RAD18: variants seen among roughly 807,000 people sequenced by gnomAD.
The protein encoded by RAD18 is E3 ubiquitin-protein ligase RAD18.
RAD18 carries 47 observed loss-of-function variants against 60.4 expected under a neutral mutation model. The observed-to-expected ratio is 0.78, with a 90% CI of 0.62 to 0.99. The LOEUF is 0.99. Ranked by LOEUF, RAD18 falls within the 50% of genes least tolerant of loss-of-function variation. The probability of loss-of-function intolerance (pLI) is 0.00; values close to 1 mark genes in which losing one functional copy is unlikely to be tolerated. For synonymous variants in RAD18, 225 were observed against 195.5 expected, an observed-to-expected ratio of 1.15 and a Z score of -1.26; for missense variants, 640 against 593.3, an observed-to-expected ratio of 1.08 and a Z score of -0.82.
Position 8,881,479 on chromosome 3 carries a change from AT to A in RAD18, c.1386-21del. Reference sequence around the variant, plus strand: ...TCGTTTCTGAAGACAGAAAAAGGAAATGACATCTTGGAAAGTAATGATTATT... The same window carrying A: ...TCGTTTCTGAAGACAGAAAAAGGAAAGACATCTTGGAAAGTAATGATTATT... On this transcript the variant is annotated intron_variant, in intron 12 of 12. Coordinates refer to ENST00000264926, the MANE Select transcript of RAD18 (RefSeq NM_020165.4). 1 of 1,546,634 alleles carries A rather than the reference AT, an allele frequency of 6.5e-7. No individual in the cohort carries two copies. The highest frequency in any genetic ancestry group is 1.1e-5 in the South Asian group (1 of 88,646).
Position 8,941,541 on chromosome 3 carries a change from T to C in RAD18, c.530A>G (p.Glu177Gly), listed in dbSNP as rs754089301. Residue 177 changes from glutamate (E) to glycine (G), a missense_variant, in exon 5 of 13, where the codon GAG becomes GGG. Transcript: ENST00000264926. Reference protein sequence around the residue: ...AKTKETRSVEEIAPDPSEAKR... With the variant: ...AKTKETRSVEGIAPDPSEAKR... ...AGCCTCTGAGGGATCTGGAGCGATC[T>C]CTTCTACAGAACGTGTCTCTTTGGT... The C allele has an allele frequency of 6.2e-7, 1 of 1,614,142 alleles. No homozygotes were observed. Among genetic ancestry groups the C allele is most frequent in the Non-Finnish European group, 8.5e-7 (1 of 1,180,012 alleles).
chr3:8,882,447 A>T (rs1939483795), intron 12 of RAD18, among the ~76,000 whole-genome samples: 1 of 152,178 alleles, frequency 6.6e-6, no homozygotes, highest in African/African-American at 2.4e-5. Flanking sequence ...TCAAGTAGCC[A>T]GATACCATGG....
At chr3:8,935,341 G>A (rs1940630318) in intron 7 of RAD18, among the ~76,000 whole-genome samples, 1 of 152,228 alleles carries the variant, frequency 6.6e-6, no homozygotes, top group Non-Finnish European at 1.5e-5. Flanking sequence ...TGTAAAAACA[G>A]TAATGAAAAG....
chr3:8,911,776 C>T (rs1940108939), intron 9 of RAD18, among the ~76,000 whole-genome samples: 1 of 152,160 alleles, frequency 6.6e-6, no homozygotes, highest in South Asian at 2.1e-4. Context: ...TAAATTTAAA[C>T]TAAAATCCAA....
At chr3:8,910,071 A>C (rs995444576) in intron 9 of RAD18, among the ~76,000 whole-genome samples, 4 of 152,216 alleles carry the variant, frequency 2.6e-5, no homozygotes, top group African/African-American at 9.6e-5. Flanking sequence ...GTTGGTGACA[A>C]GAAATTCCAG....
rs181213138 is a variant in RAD18, at chr3:8,885,272, T to C, written c.1386-3813A>G. Among the ~76,000 whole-genome samples the C allele has an allele frequency of 1.4e-4, 21 of 152,326 alleles. No individual in the cohort carries two copies. In the East Asian group the frequency reaches 3.9e-3, roughly 28 times the overall value. ...TTCCTTTTATTCATTTTTTTAAAGATGGGATTCACTGTTTTCTTGCTGCAA... is the reference window on the plus strand; with the variant it reads ...TTCCTTTTATTCATTTTTTTAAAGACGGGATTCACTGTTTTCTTGCTGCAA... On this transcript the variant is annotated intron_variant, in intron 12 of 12. Transcript: ENST00000264926.
intron 11 of RAD18, among the ~76,000 whole-genome samples, chr3:8,894,588 T>C (rs1292302441): frequency 6.6e-6 from 1 of 151,990 alleles, no homozygotes; most frequent in Non-Finnish European, 1.5e-5. Context: ...TGAGCTGACC[T>C]CCCACAATGA....
intron 12 of RAD18, among the ~76,000 whole-genome samples, chr3:8,889,601 C>T (rs2125046619): frequency 6.6e-6 from 1 of 152,218 alleles, no homozygotes; most frequent in Non-Finnish European, 1.5e-5. Flanking sequence ...AAAGAACATT[C>T]TGGGTAGAGG....
chr3:8,943,363 T>C lies in RAD18; in HGVS notation c.267-1559A>G, dbSNP rs573963356. ...AAAAAAAAGAAAAGGGATAAAAAGA[T>C]AGTGTATTATGAGAAATAAAATCCA... is the stretch of plus-strand genomic sequence containing the variant. On this transcript the variant is annotated intron_variant, in intron 4 of 12. Transcript: ENST00000264926. 2.0e-5 allele frequency among the ~76,000 whole-genome samples: 3 copies of C among 150,628 alleles called. No homozygotes were observed. The East Asian group carries it at 5.8e-4, about 29-fold the overall frequency.
In RAD18 at chr3:8,915,303, A is replaced by G. The variant is rs897366862; in HGVS notation, c.890-1583T>C. Among the ~76,000 whole-genome samples, 3 of 152,158 alleles carry G rather than the reference A, an allele frequency of 2.0e-5. No individual in the cohort carries two copies. In the South Asian group the frequency reaches 6.2e-4, roughly 32 times the overall value. On this transcript the variant is annotated intron_variant, in intron 7 of 12. Coordinates refer to ENST00000264926, the MANE Select transcript of RAD18 (RefSeq NM_020165.4). ...CGAGAAAAAGCGGGATAACTTATAAAACTATAATTTTTCTTGAATCCATCA... is the reference window on the plus strand; with the variant it reads ...CGAGAAAAAGCGGGATAACTTATAAGACTATAATTTTTCTTGAATCCATCA...
intron 7 of RAD18, among the ~76,000 whole-genome samples, chr3:8,935,602 C>T (rs1305900812): frequency 1.3e-5 from 2 of 152,170 alleles, no homozygotes; most frequent in African/African-American, 4.8e-5. Flanking sequence ...TCCAGATCCA[C>T]TCTTCCCCAC....
intron 12 of RAD18, among the ~76,000 whole-genome samples, chr3:8,885,520 T>A (rs1296158325): frequency 6.6e-6 from 1 of 152,236 alleles, no homozygotes; most frequent in Non-Finnish European, 1.5e-5. Context: ...TAAGTGGTGT[T>A]AGCTTAAAAA....
chr3:8,881,480 T>C, intron 12 of RAD18, 21 bp from the exon 13 acceptor site: 1 of 1,543,186 alleles, frequency 6.5e-7, no homozygotes, highest in Non-Finnish European at 8.9e-7. Context: ...AAAAAGGAAA[T>C]GACATCTTGG....
chr3:8,941,629 A>G lies in RAD18; in HGVS notation c.442T>C (p.Leu148=), dbSNP rs371877863. The change falls in exon 5 of 13, where the codon TTG becomes CTG. Residue 148 remains leucine, a synonymous_variant. Coordinates refer to ENST00000264926, the MANE Select transcript of RAD18 (RefSeq NM_020165.4). ...IREMSGSTSE[L]LIKENKSKFS... ...TTGCTTTTATTTTCTTTTATCAACA[A>G]CTCTGATGTAGAACCACTCATTTCT... 18 of 1,613,890 alleles carry G rather than the reference A, an allele frequency of 1.1e-5. No homozygotes were observed. Among genetic ancestry groups the G allele is most frequent in the Admixed American group, 6.7e-5 (4 of 59,984 alleles).
intron 11 of RAD18, among the ~76,000 whole-genome samples, chr3:8,895,850 C>A (rs1262729358): frequency 1.3e-5 from 2 of 152,180 alleles, no homozygotes; most frequent in Admixed American, 1.3e-4. Context: ...AGTATTCCTC[C>A]CCCTTTTAGA....
At chr3:8,962,651 G>A (rs1169588876) in intron 1 of RAD18, among the ~76,000 whole-genome samples, 1 of 152,194 alleles carries the variant, frequency 6.6e-6, no homozygotes, top group African/African-American at 2.4e-5. Flanking sequence ...AGCAAATCCA[G>A]GGCCCACCAC....
chr3:8,929,887 C>T (rs944481980), intron 7 of RAD18, among the ~76,000 whole-genome samples: 3 of 152,194 alleles, frequency 2.0e-5, no homozygotes, highest in African/African-American at 7.2e-5. Context: ...AGGTGATCCA[C>T]CTGCCTCGGC....
chr3:8,905,779 C>A (rs968090379), intron 9 of RAD18, among the ~76,000 whole-genome samples: 3 of 152,194 alleles, frequency 2.0e-5, no homozygotes, highest in Non-Finnish European at 4.4e-5. Flanking sequence ...CTACTATTCT[C>A]CAAAATATCT....
chr3:8,957,499 A>T, intron 2 of RAD18, among the ~76,000 whole-genome samples: 1 of 152,222 alleles, frequency 6.6e-6, no homozygotes, highest in East Asian at 1.9e-4. Flanking sequence ...TAAGCATTTT[A>T]AAATATTGTA....
Sources: allele counts gnomAD v4.1 joint callset (sites outside exome capture counted in the v4.1 genomes callset), GRCh38; gene constraint gnomAD v4.1.1; transcripts MANE v1.5; gene names NCBI Gene and HGNC (gene_info 2026-07-23, HGNC 2026-07-21).